GRID1: variants seen among roughly 807,000 people sequenced by gnomAD.
GRID1 encodes the protein glutamate receptor ionotropic, delta-1.
In GRID1, 28 loss-of-function variants were observed where a neutral mutation model predicts 98.0. The ratio of observed to expected loss-of-function variants is 0.29; its 90% confidence interval spans 0.21 to 0.39. The LOEUF is 0.39. GRID1 is among the 10% of genes least tolerant of loss of function. The probability of loss-of-function intolerance (pLI) is 1.00; values close to 1 mark genes in which losing one functional copy is unlikely to be tolerated. For synonymous variants in GRID1, 553 were observed against 538.5 expected (o/e 1.03, Z -0.37); for missense variants, 1,111 against 1,340.5 (o/e 0.83, Z 2.67).
At chr10:86,328,895 C>A (rs888799276) in intron 2 of GRID1, among the ~76,000 whole-genome samples, 3 of 152,058 alleles carry the variant, frequency 2.0e-5, no homozygotes, top group Admixed American at 6.6e-5. Flanking sequence ...GGTCACCCCA[C>A]CCCCAGCCTC....
At chr10:85,833,147 T>C (rs572892976) in intron 8 of GRID1, among the ~76,000 whole-genome samples, 2 of 152,116 alleles carry the variant, frequency 1.3e-5, no homozygotes, top group Non-Finnish European at 2.9e-5. Flanking sequence ...GAATCTTTTC[T>C]CCTCCACCCA....
At chr10:85,633,237 A>G (rs1452811386) in intron 13 of GRID1, among the ~76,000 whole-genome samples, 2 of 152,146 alleles carry the variant, frequency 1.3e-5, no homozygotes, top group African/African-American at 2.4e-5. Context: ...GCTCTTTCAC[A>G]TCACTTCTAA....
chr10:86,134,716 CA>C (rs1844890180), intron 4 of GRID1, among the ~76,000 whole-genome samples: 1 of 152,156 alleles, frequency 6.6e-6, no homozygotes, highest in Non-Finnish European at 1.5e-5. Context: ...CCCCTCTCTC[CA>C]GCCCTTCCTT....
intron 4 of GRID1, among the ~76,000 whole-genome samples, chr10:86,002,488 C>A (rs1441311129): frequency 6.7e-6 from 1 of 149,070 alleles, no homozygotes; most frequent in Non-Finnish European, 1.5e-5. Flanking sequence ...TGTCTTTTTG[C>A]ACTTACATTC....
At chr10:85,611,367 T>C (rs543874270) in intron 15 of GRID1, among the ~76,000 whole-genome samples, 69 of 152,282 alleles carry the variant, frequency 4.5e-4, no homozygotes, top group African/African-American at 1.5e-3. Context: ...GGCTCACAGA[T>C]GATAGGCTAG....
chr10:85,624,554 G>A (rs1474137712), intron 13 of GRID1, among the ~76,000 whole-genome samples: 1 of 152,224 alleles, frequency 6.6e-6, no homozygotes, highest in Non-Finnish European at 1.5e-5. Flanking sequence ...TCTTCCAGGA[G>A]CTATGAAACG....
At chr10:86,163,402 G>A (rs916264529) in intron 3 of GRID1, among the ~76,000 whole-genome samples, 23 of 144,132 alleles carry the variant, frequency 1.6e-4, no homozygotes, top group African/African-American at 5.3e-4. Flanking sequence ...ATGTTTTGAC[G>A]CATTTCTTTT....
intron 13 of GRID1, among the ~76,000 whole-genome samples, chr10:85,631,648 C>A (rs373071859): frequency 6.6e-6 from 1 of 152,144 alleles, no homozygotes; most frequent in Non-Finnish European, 1.5e-5. Flanking sequence ...CTATAAACAA[C>A]CTTGTCAGTA....
chr10:86,359,619 T>G (rs1331512509), intron 2 of GRID1, among the ~76,000 whole-genome samples: 1 of 152,244 alleles, frequency 6.6e-6, no homozygotes, highest in Non-Finnish European at 1.5e-5. Flanking sequence ...TTTTTCTGCC[T>G]CTTTCCTAAA....
intron 4 of GRID1, among the ~76,000 whole-genome samples, chr10:86,008,009 C>T (rs1273184155): frequency 6.6e-6 from 1 of 151,960 alleles, no homozygotes; most frequent in African/African-American, 2.4e-5. Flanking sequence ...GATATTGTCA[C>T]CTGAGAGGAA....
chr10:85,803,668 G>A lies in GRID1; in HGVS notation c.1233+50828C>T, dbSNP rs555071402. 2.1e-3 allele frequency among the ~76,000 whole-genome samples: 326 copies of A among 152,000 alleles called. 2 individuals are homozygous for A. Among genetic ancestry groups the A allele is most frequent in the Middle Eastern group, 6.8e-3 (2 of 294 alleles). On this transcript the variant is annotated intron_variant, in intron 8 of 15. Coordinates refer to ENST00000327946, the MANE Select transcript of GRID1 (RefSeq NM_017551.3). ...AAAATAACCAATTGGTCAAAAAACTGTAATGAAAATTAGAAAATATATTTT... is the reference window on the plus strand; with the variant it reads ...AAAATAACCAATTGGTCAAAAAACTATAATGAAAATTAGAAAATATATTTT...
chr10:86,236,209 C>T (rs1459909402), intron 2 of GRID1, among the ~76,000 whole-genome samples: 1 of 152,166 alleles, frequency 6.6e-6, no homozygotes, highest in Non-Finnish European at 1.5e-5. Flanking sequence ...AGTATCTATA[C>T]AAATCTTTTG....
chr10:85,961,145 C>T (rs1842261442), intron 4 of GRID1, among the ~76,000 whole-genome samples: 1 of 152,160 alleles, frequency 6.6e-6, no homozygotes, highest in African/African-American at 2.4e-5. Context: ...GATAATAACA[C>T]ATTCACAGTA....
At chr10:85,897,078 CAAT>C (rs1266595173) in intron 5 of GRID1, among the ~76,000 whole-genome samples, 8 of 152,094 alleles carry the variant, frequency 5.3e-5, no homozygotes, top group Non-Finnish European at 1.0e-4. Flanking sequence ...AGTAAAATCT[CAAT>C]GAGGCAAAAT....
intron 4 of GRID1, among the ~76,000 whole-genome samples, chr10:85,920,888 C>T (rs953455686): frequency 4.6e-5 from 7 of 152,146 alleles, no homozygotes; most frequent in Admixed American, 4.6e-4. Flanking sequence ...ACACAAACCC[C>T]GTGGGAGCTG....
intron 4 of GRID1, among the ~76,000 whole-genome samples, chr10:85,943,996 A>G (rs1264089144): frequency 6.6e-6 from 1 of 152,188 alleles, no homozygotes; most frequent in Non-Finnish European, 1.5e-5. Context: ...TGCTCTGAGG[A>G]ATCCTGCCAC....
Position 86,162,244 on chromosome 10 carries a change from G to T in GRID1, c.521-23220C>A, listed in dbSNP as rs538611819. Among the ~76,000 whole-genome samples, 67 of 152,310 alleles carry T rather than the reference G, an allele frequency of 4.4e-4. No homozygotes were observed. The South Asian group carries it at 0.011, about 25-fold the overall frequency. ...CAAGGCCCAGGGAGGAAAAAGGGAA[G>T]AGGGTGCAGCCATCACAAGGAGGGA... On this transcript the variant is annotated intron_variant, in intron 3 of 15. Transcript: ENST00000327946.
At chr10:85,779,550 G>A (rs759315166) in intron 8 of GRID1, among the ~76,000 whole-genome samples, 2 of 151,938 alleles carry the variant, frequency 1.3e-5, no homozygotes, top group Non-Finnish European at 2.9e-5. Flanking sequence ...AGAAAGGACA[G>A]GCTCAACTGA....
intron 6 of GRID1, among the ~76,000 whole-genome samples, chr10:85,868,382 G>A (rs1441110137): frequency 6.6e-6 from 1 of 152,134 alleles, no homozygotes; most frequent in Non-Finnish European, 1.5e-5. Context: ...GCTCTCCATC[G>A]TATTCCAAGG....
Sources: allele counts gnomAD v4.1 joint callset (sites outside exome capture counted in the v4.1 genomes callset), GRCh38; gene constraint gnomAD v4.1.1; transcripts MANE v1.5; gene names NCBI Gene and HGNC (gene_info 2026-07-23, HGNC 2026-07-21).